Variants in ZNF184 observed in about 807,000 individuals in gnomAD.
ZNF184 encodes the protein zinc finger protein 184 (Kruppel-like).
Under a neutral mutation model 54.4 loss-of-function variants are expected in ZNF184, and 16 were observed. The observed-to-expected ratio is 0.29, with a 90% CI of 0.20 to 0.45. The LOEUF is 0.45. Ranked by LOEUF, ZNF184 falls within the 20% of genes least tolerant of loss-of-function variation. The pLI, the probability that ZNF184 is intolerant of heterozygous loss-of-function variation, is 1.00. For synonymous variants in ZNF184, 254 were observed against 295.3 expected, an observed-to-expected ratio of 0.86 and a Z score of 1.43; for missense variants, 681 against 888.2, an observed-to-expected ratio of 0.77 and a Z score of 2.97.
At chr6:27,461,759 G>C (rs543681307) in intron 3 of ZNF184, among the ~76,000 whole-genome samples, 1 of 152,190 alleles carries the variant, frequency 6.6e-6, no homozygotes, top group Admixed American at 6.5e-5. Context: ...GAGGAGCCCA[G>C]CAGATTTCTG....
At chr6:27,443,420 C>T in the ZNF184 span, among the ~76,000 whole-genome samples, 5 of 152,340 alleles carry the variant, frequency 3.3e-5, no homozygotes, top group African/African-American at 1.2e-4. Context: ...GAGATGATAG[C>T]ACCTTCCTCA....
intron 3 of ZNF184, among the ~76,000 whole-genome samples, chr6:27,466,272 C>T (rs1175405750): frequency 2.0e-5 from 3 of 152,092 alleles, no homozygotes; most frequent in South Asian, 2.1e-4. Context: ...TAGATTCTTC[C>T]CCTAGAACCT....
intron 3 of ZNF184, among the ~76,000 whole-genome samples, chr6:27,462,612 C>T (rs1763025297): frequency 6.6e-6 from 1 of 151,510 alleles, no homozygotes; most frequent in African/African-American, 2.4e-5. Context: ...CACCTGTAAT[C>T]CCAGCACTTT....
chr6:27,417,681 C>T, the ZNF184 span, among the ~76,000 whole-genome samples: 3 of 152,062 alleles, frequency 2.0e-5, no homozygotes, highest in South Asian at 2.1e-4. Context: ...TGCTTGAGGC[C>T]GATTCTGATT....
In ZNF184 at chr6:27,450,813, T is replaced by A. The variant is rs1331132991; in HGVS notation, c.*490A>T. 1 of 150,452 alleles carries A rather than the reference T, an allele frequency of 6.6e-6. No homozygotes were observed. Among genetic ancestry groups the A allele is most frequent in the Non-Finnish European group, 1.5e-5 (1 of 67,854 alleles). 9.3% of individuals were successfully genotyped at this position (150,452 alleles called of 1,614,324 possible). On this transcript the variant is annotated 3_prime_UTR_variant, in exon 6 of 6. Coordinates refer to ENST00000683788, the MANE Select transcript of ZNF184 (RefSeq NM_001318891.2). ...TATTATATGCAATTGAATTGTTAATTTGAGGGTATTTTATAATTCTTTTTA... is the reference window on the plus strand; with the variant it reads ...TATTATATGCAATTGAATTGTTAATATGAGGGTATTTTATAATTCTTTTTA...
chr6:27,440,560 A>G, the ZNF184 span, among the ~76,000 whole-genome samples: 1 of 152,184 alleles, frequency 6.6e-6, no homozygotes, highest in African/African-American at 2.4e-5. Context: ...TTTTACCTTG[A>G]TCATGATAAT....
In ZNF184 at chr6:27,452,084, T is replaced by C; in HGVS notation, c.1475A>G (p.His492Arg). ...AFSYCSSLTQHRRIHTREKPF... is the reference protein window; with the variant it reads ...AFSYCSSLTQRRRIHTREKPF... ...CTTTTCTCTCGTGTGAATTCTCCGA[T>C]GTTGAGTAAGGGATGAGCAGTAACT... is the stretch of plus-strand genomic sequence containing the variant. The change falls in exon 6 of 6, where the codon CAT (histidine) becomes CGT (arginine). Residue 492 changes from histidine to arginine, a missense_variant. Physicochemically the swap from His to Arg is conservative, Grantham distance 29. Coordinates refer to ENST00000683788, the MANE Select transcript of ZNF184 (RefSeq NM_001318891.2). This position sits in a 1 kb window ranked among gnomAD's most constrained non-coding sequence, Gnocchi z 5.5. 2 of 1,614,042 alleles carry C rather than the reference T, an allele frequency of 1.2e-6. No individual in the cohort carries two copies. Among genetic ancestry groups the C allele is most frequent in the Non-Finnish European group, 1.7e-6 (2 of 1,180,010 alleles).
chr6:27,429,390 G>A, the ZNF184 span, among the ~76,000 whole-genome samples: 2 of 152,174 alleles, frequency 1.3e-5, no homozygotes, highest in African/African-American at 4.8e-5. Context: ...TTCACTGCAA[G>A]TTCTTCCCCT....
the ZNF184 span, among the ~76,000 whole-genome samples, chr6:27,442,706 A>G: frequency 8.1e-6 from 1 of 122,876 alleles, no homozygotes; most frequent in Non-Finnish European, 1.7e-5. Context: ...AGAAACAGAG[A>G]GAGAGAAAGA....
At chr6:27,445,945 TC>T (rs1200065641), downstream of ZNF184, among the ~76,000 whole-genome samples, 1 of 152,134 alleles carries the variant, frequency 6.6e-6, no homozygotes, top group Non-Finnish European at 1.5e-5. Flanking sequence ...AGCAAAGCAT[TC>T]AGACTGCTGT....
intron 3 of ZNF184, among the ~76,000 whole-genome samples, chr6:27,461,234 G>A (rs1423336002): frequency 6.6e-6 from 1 of 152,172 alleles, no homozygotes; most frequent in Admixed American, 6.5e-5. Context: ...GTGGCTCACA[G>A]TAACAGAGAA....
the ZNF184 span, among the ~76,000 whole-genome samples, chr6:27,424,449 G>A: frequency 2.6e-5 from 4 of 152,194 alleles, no homozygotes; most frequent in African/African-American, 4.8e-5. Context: ...TGGTAGAGCC[G>A]AGTGGTCTGT....
the ZNF184 span, among the ~76,000 whole-genome samples, chr6:27,408,966 C>G: frequency 6.6e-6 from 1 of 152,140 alleles, no homozygotes; most frequent in Non-Finnish European, 1.5e-5. Context: ...TTTAAATTAC[C>G]TCTTTTAGCC....
chr6:27,423,909 G>T, the ZNF184 span, among the ~76,000 whole-genome samples: 1 of 152,034 alleles, frequency 6.6e-6, no homozygotes, highest in African/African-American at 2.4e-5. Flanking sequence ...TGTTTATTTG[G>T]AATCTCTAGC....
the ZNF184 span, among the ~76,000 whole-genome samples, chr6:27,412,163 A>T: frequency 6.6e-6 from 1 of 152,180 alleles, no homozygotes; most frequent in Non-Finnish European, 1.5e-5. Context: ...ATCAGCCAAG[A>T]GCAAGAAGAG....
At chr6:27,422,151 AGAAAGAAAGAAAG>A in the ZNF184 span, among the ~76,000 whole-genome samples, 196 of 89,626 alleles carry the variant, frequency 2.2e-3, 14 homozygotes, top group African/African-American at 7.4e-3. Context: ...AAAAAAAAAA[AGAAAGAAAGAAAG>A]AAAGAAAGAA....
At chr6:27,424,534 A>C in the ZNF184 span, among the ~76,000 whole-genome samples, 1 of 151,860 alleles carries the variant, frequency 6.6e-6, no homozygotes, top group Non-Finnish European at 1.5e-5. Flanking sequence ...CCACCAGATT[A>C]GTTAGATACA....
chr6:27,472,562 G>GATGAACA lies in ZNF184; in HGVS notation c.-139-136_-139-130dup, dbSNP rs1763305168. On this transcript the variant is annotated intron_variant, in intron 1 of 5. Transcript: ENST00000683788. This position sits in a 1 kb window ranked among gnomAD's most constrained non-coding sequence, Gnocchi z 4.8. Reference sequence around the variant, plus strand: ...GCACTAGAGAGGTGTGTGGCACTCCGATGAACAAAACAGAGTGGAGATCGG... The same window carrying GATGAACA: ...GCACTAGAGAGGTGTGTGGCACTCCGATGAACAATGAACAAAACAGAGTGGAGATCGG... The GATGAACA allele has an allele frequency of 2.1e-6, 1 of 465,776 alleles. No homozygotes were observed. The highest frequency in any genetic ancestry group is 3.9e-6 in the Non-Finnish European group (1 of 255,898). 28.9% of individuals were successfully genotyped at this position (465,776 alleles called of 1,614,324 possible). A position where few individuals can be genotyped will look rare whatever the true frequency, so the allele number is the denominator to read the frequency against.
At chr6:27,413,278 A>C in the ZNF184 span, among the ~76,000 whole-genome samples, 1 of 152,236 alleles carries the variant, frequency 6.6e-6, no homozygotes, top group African/African-American at 2.4e-5. Context: ...AAAGAAAAAA[A>C]AACAGATTTA....
Sources: gnomAD v4.1 joint callset for allele counts (sites outside exome capture counted in the v4.1 genomes callset) on GRCh38, gnomAD v4.1.1 for gene constraint, Gnocchi (gnomAD v3.1) non-coding constraint, MANE v1.5 for transcripts, NCBI Gene and HGNC (gene_info 2026-07-23, HGNC 2026-07-21) for gene names.